BICDL1: variants seen among roughly 807,000 people sequenced by gnomAD.
BICDL1 encodes BICD family like cargo adaptor 1.
A neutral mutation model predicts 76.8 loss-of-function variants in BICDL1; 20 were observed. The observed-to-expected ratio is 0.26, with a 90% CI of 0.18 to 0.38. The LOEUF is 0.38. BICDL1 is among the 10% of genes least tolerant of loss of function. BICDL1 has a pLI of 1.00. For synonymous variants in BICDL1, 383 were observed against 337.1 expected, an observed-to-expected ratio of 1.14 and a Z score of -1.49; for missense variants, 700 against 798.6, an observed-to-expected ratio of 0.88 and a Z score of 1.49.
rs550694789 is a variant in BICDL1, at chr12:120,072,659, G to T, written c.1238G>T (p.Gly413Val). The T allele has an allele frequency of 1.2e-6, 2 of 1,614,128 alleles. No homozygotes were observed. Among genetic ancestry groups the T allele is most frequent in the South Asian group, 2.2e-5 (2 of 91,074 alleles). The change falls in exon 6 of 10, where the codon GGC becomes GTC. Residue 413 changes from glycine to valine, a missense_variant. Coordinates refer to ENST00000548673, the MANE Select transcript of BICDL1 (RefSeq NM_001367886.1). ...ETSSAKDVPA[G>V]SLRTALNELK... is the part of the protein sequence containing the mutation. ...TCGTCCGCCAAGGATGTGCCAGCCGGCAGCTTGCGCACTGCCCTCAATGAG... is the reference window on the plus strand; with the variant it reads ...TCGTCCGCCAAGGATGTGCCAGCCGTCAGCTTGCGCACTGCCCTCAATGAG...
intron 9 of BICDL1, chr12:120,090,616 G>A: frequency 2.8e-6 from 1 of 351,082 alleles, no homozygotes; most frequent in East Asian, 7.5e-5. Flanking sequence ...GTGGCTGGCT[G>A]GGTTTTGTTC....
chr12:119,991,845 A>C (rs1312438654), intron 1 of BICDL1, among the ~76,000 whole-genome samples: 1 of 152,202 alleles, frequency 6.6e-6, no homozygotes, highest in African/African-American at 2.4e-5. Context: ...TCTTCAACAT[A>C]GGGCAAAGAT....
At chr12:120,024,437 A>G (rs1428924224) in intron 2 of BICDL1, among the ~76,000 whole-genome samples, 1 of 152,252 alleles carries the variant, frequency 6.6e-6, no homozygotes, top group African/African-American at 2.4e-5. Flanking sequence ...GATAGAAATT[A>G]TCCACAATGA....
At position 120,093,141 on chromosome 12, in the gene BICDL1, T is replaced by C. The variant is rs781364532; in HGVS notation, c.1846T>C (p.Ser616Pro). 2 of 1,609,210 alleles carry C rather than the reference T, an allele frequency of 1.2e-6. 1 individual carries two copies. The highest frequency in any genetic ancestry group is 2.2e-5 in the South Asian group (2 of 90,628). Reference protein sequence around the residue: ...PSIAEGKRLFSFFRKI With the variant: ...PSIAEGKRLFPFFRKI Reference sequence around the variant, plus strand: ...CATCGCTGAAGGCAAACGACTCTTCTCATTCTTCAGGAAAATTTAAGTTGG... The same window carrying C: ...CATCGCTGAAGGCAAACGACTCTTCCCATTCTTCAGGAAAATTTAAGTTGG... Residue 616 changes from serine to proline, a missense_variant, in exon 10 of 10, where the codon TCA becomes CCA. Physicochemically the swap from Ser to Pro is moderately conservative, Grantham distance 74. Around this residue, in one of 3 missense-constraint regions of BICDL1, gnomAD observed 455 missense variants for 548.7 expected, o/e 0.83. Coordinates refer to ENST00000548673, the MANE Select transcript of BICDL1 (RefSeq NM_001367886.1).
At chr12:120,013,968 T>A (rs1000414908) in intron 2 of BICDL1, among the ~76,000 whole-genome samples, 18 of 152,224 alleles carry the variant, frequency 1.2e-4, no homozygotes, top group Non-Finnish European at 2.2e-4. Context: ...ATTTAGCTCT[T>A]GTCTAGTCTG....
intron 7 of BICDL1, among the ~76,000 whole-genome samples, chr12:120,077,038 A>G (rs1873604710): frequency 6.6e-6 from 1 of 152,222 alleles, no homozygotes; most frequent in Admixed American, 6.5e-5. Context: ...AGACATGGTT[A>G]GGTGGGACTG....
intron 2 of BICDL1, among the ~76,000 whole-genome samples, chr12:120,059,751 A>G (rs1332402002): frequency 6.6e-6 from 1 of 151,414 alleles, no homozygotes; most frequent in East Asian, 2.0e-4. Context: ...CTCTGTTGCC[A>G]AGGCTGTAGT....
At chr12:120,077,229 C>T (rs764440276) in intron 7 of BICDL1, among the ~76,000 whole-genome samples, 2 of 152,210 alleles carry the variant, frequency 1.3e-5, no homozygotes, top group African/African-American at 4.8e-5. Context: ...TTAATTTGAC[C>T]GGTAATTATT....
intron 2 of BICDL1, among the ~76,000 whole-genome samples, chr12:120,018,595 C>T (rs541152505): frequency 2.0e-5 from 3 of 152,088 alleles, no homozygotes; most frequent in Non-Finnish European, 4.4e-5. Context: ...CTAGATGAAC[C>T]TGGGTTTATT....
At chr12:120,025,110 C>T (rs1298436236) in intron 2 of BICDL1, among the ~76,000 whole-genome samples, 27 of 145,824 alleles carry the variant, frequency 1.9e-4, no homozygotes, top group African/African-American at 5.4e-4. Flanking sequence ...AGTGCAGTGG[C>T]GCGATCTCAG....
chr12:119,993,340 T>A (rs1465096238), intron 1 of BICDL1: 2 of 152,184 alleles, frequency 1.3e-5, no homozygotes, highest in Non-Finnish European at 2.9e-5. Flanking sequence ...ACTAAATACC[T>A]CTCTGGTTCT....
At chr12:120,027,979 CAG>C (rs760345589) in intron 2 of BICDL1, among the ~76,000 whole-genome samples, 20 of 152,168 alleles carry the variant, frequency 1.3e-4, no homozygotes, top group Admixed American at 5.2e-4. Flanking sequence ...GTTTTTAAGG[CAG>C]AGTTTTAATT....
At chr12:119,997,226 G>T (rs567453789) in intron 1 of BICDL1, among the ~76,000 whole-genome samples, 1 of 152,172 alleles carries the variant, frequency 6.6e-6, no homozygotes, top group Admixed American at 6.5e-5. Flanking sequence ...GATTACAGGC[G>T]TGTGCCACCG....
intron 1 of BICDL1, among the ~76,000 whole-genome samples, chr12:119,995,140 G>C (rs1243982419): frequency 1.3e-5 from 2 of 152,178 alleles, no homozygotes; most frequent in Non-Finnish European, 2.9e-5. Flanking sequence ...ATAACCCTGA[G>C]AAACGAAGGA....
At position 120,049,790 on chromosome 12, in the gene BICDL1, C is replaced by G. The variant is rs7956934; in HGVS notation, c.646-11920C>G. ...CTCTGTATTGTAGTGTAGATAATTC[C>G]TTCTGACTAGTCTTCCAATTTGGTA... On this transcript the variant is annotated intron_variant, in intron 2 of 9. Coordinates refer to ENST00000548673, the MANE Select transcript of BICDL1 (RefSeq NM_001367886.1). Among the ~76,000 whole-genome samples the G allele has an allele frequency of 3.7e-3, 570 of 152,112 alleles. 7 individuals are homozygous for G. In the East Asian group the frequency reaches 0.044, roughly 12 times the overall value.
intron 2 of BICDL1, among the ~76,000 whole-genome samples, chr12:120,029,129 C>G (rs1401831263): frequency 6.6e-6 from 1 of 152,128 alleles, no homozygotes; most frequent in Non-Finnish European, 1.5e-5. Flanking sequence ...GCCTTTAGAC[C>G]CATGGCTTCT....
chr12:120,075,050 A>G (rs1427616805), intron 7 of BICDL1, among the ~76,000 whole-genome samples: 3 of 152,096 alleles, frequency 2.0e-5, no homozygotes, highest in Non-Finnish European at 4.4e-5. Context: ...TTCCTTTCTC[A>G]TTTGATCACG....
Position 120,041,144 on chromosome 12 carries a change from G to A in BICDL1, c.646-20566G>A, listed in dbSNP as rs374929600. On this transcript the variant is annotated intron_variant, in intron 2 of 9. Coordinates refer to ENST00000548673, the MANE Select transcript of BICDL1 (RefSeq NM_001367886.1). ...CTTGTTGAATAGTTTGTATAAAGTG[G>A]ATATAACAAATAAGGTAAAACTGAG... Among the ~76,000 whole-genome samples the A allele has an allele frequency of 3.3e-5, 5 of 152,144 alleles. 1 individual carries two copies. The highest frequency in any genetic ancestry group is 3.3e-4 in the Admixed American group (5 of 15,264).
intron 6 of BICDL1, among the ~76,000 whole-genome samples, chr12:120,073,582 A>G (rs1873280944): frequency 6.6e-6 from 1 of 152,118 alleles, no homozygotes. Flanking sequence ...GCAGTCTGGC[A>G]TTTCTTCCAG....
Sources: gnomAD v4.1 joint callset for allele counts (sites outside exome capture counted in the v4.1 genomes callset) on GRCh38, gnomAD v4.1.1 for gene constraint, gnomAD v4.1.1 regional missense constraint, MANE v1.5 for transcripts, NCBI Gene and HGNC (gene_info 2026-07-23, HGNC 2026-07-21) for gene names.